Variants in BRAF observed in about 807,000 individuals in gnomAD.
BRAF encodes the protein B-Raf proto-oncogene, serine/threonine kinase.
In BRAF, 16 loss-of-function variants were observed where a neutral mutation model predicts 104.6. The ratio of observed to expected loss-of-function variants is 0.15; its 90% CI spans 0.10 to 0.23. The LOEUF (loss-of-function observed/expected upper bound fraction) is 0.23. Ranked by LOEUF, BRAF falls within the 10% of genes least tolerant of loss-of-function variation. BRAF has a pLI of 1.00. For missense variants in BRAF, 541 were observed against 937.3 expected (o/e 0.58, Z 5.52); for synonymous variants, 310 against 341.6 (o/e 0.91, Z 1.02).
chr7:140,817,398 C>T (rs1804992334), intron 3 of BRAF, among the ~76,000 whole-genome samples: 1 of 152,096 alleles, frequency 6.6e-6, no homozygotes, highest in Non-Finnish European at 1.5e-5. Context: ...TCTACAGATT[C>T]AATGTAATCC....
At chr7:140,870,969 C>T (rs1014532691) in intron 1 of BRAF, among the ~76,000 whole-genome samples, 3 of 151,552 alleles carry the variant, frequency 2.0e-5, no homozygotes, top group Admixed American at 6.6e-5. Context: ...GGCTCACGCC[C>T]GTAATCCCAG....
At chr7:140,911,834 T>C (rs1390873987) in intron 1 of BRAF, among the ~76,000 whole-genome samples, 1 of 152,184 alleles carries the variant, frequency 6.6e-6, no homozygotes, top group Non-Finnish European at 1.5e-5. Context: ...AGGTACTTCA[T>C]TAAGGAGTAA....
At chr7:140,812,779 T>C (rs1442697696) in intron 3 of BRAF, among the ~76,000 whole-genome samples, 1 of 152,128 alleles carries the variant, frequency 6.6e-6, no homozygotes, top group Non-Finnish European at 1.5e-5. Flanking sequence ...ACATCTGAAA[T>C]GGGGTAAAGA....
intron 9 of BRAF, among the ~76,000 whole-genome samples, chr7:140,786,984 T>C (rs1801423004): frequency 6.6e-6 from 1 of 152,230 alleles, no homozygotes; most frequent in Admixed American, 6.5e-5. Flanking sequence ...GAAGAAATTT[T>C]AAAACTGTAG....
At chr7:140,804,361 C>T (rs1378179448) in intron 5 of BRAF, among the ~76,000 whole-genome samples, 3 of 151,174 alleles carry the variant, frequency 2.0e-5, no homozygotes. Context: ...CACACCATCA[C>T]ACCTGGCTAA....
chr7:140,779,850 T>A (rs1800690124), intron 12 of BRAF: 1 of 152,198 alleles, frequency 6.6e-6, no homozygotes, highest in South Asian at 2.1e-4. Flanking sequence ...GAGAACTGCT[T>A]GAATCTGGGA....
chr7:140,854,532 A>G (rs2062969508), intron 1 of BRAF, among the ~76,000 whole-genome samples: 2 of 152,180 alleles, frequency 1.3e-5, no homozygotes, highest in South Asian at 4.2e-4. Flanking sequence ...ATATGCAGTT[A>G]GCATAAAGAA....
intron 1 of BRAF, among the ~76,000 whole-genome samples, chr7:140,908,213 A>T (rs1431057453): frequency 6.6e-6 from 1 of 152,038 alleles, no homozygotes; most frequent in African/African-American, 2.4e-5. Context: ...CTTGGTTATT[A>T]TTTTTCCTCT....
intron 9 of BRAF, 48 bp downstream of exon 9, chr7:140,787,500 A>T: frequency 2.6e-6 from 4 of 1,537,574 alleles, no homozygotes; most frequent in Non-Finnish European, 3.6e-6. Flanking sequence ...GCAGCAAAGC[A>T]ATTGCAGTTT....
chr7:140,901,147 A>G (rs1468909377), intron 1 of BRAF, among the ~76,000 whole-genome samples: 8 of 152,372 alleles, frequency 5.3e-5, no homozygotes, highest in African/African-American at 1.9e-4. Flanking sequence ...GTTAAAAGAA[A>G]TTAATAGAAA....
At chr7:140,841,478 A>G (rs961769028) in intron 2 of BRAF, among the ~76,000 whole-genome samples, 1 of 152,246 alleles carries the variant, frequency 6.6e-6, no homozygotes, top group African/African-American at 2.4e-5. Context: ...GCAAAAACAT[A>G]TAAGTAGCCC....
At chr7:140,913,145 C>T (rs1817190475) in intron 1 of BRAF, among the ~76,000 whole-genome samples, 1 of 152,120 alleles carries the variant, frequency 6.6e-6, no homozygotes, top group Admixed American at 6.5e-5. Context: ...TACCCCCATC[C>T]CAGCCCTAAA....
intron 1 of BRAF, among the ~76,000 whole-genome samples, chr7:140,881,096 G>T (rs1327705996): frequency 6.6e-6 from 1 of 152,184 alleles, no homozygotes; most frequent in East Asian, 1.9e-4. Context: ...CTTCTGAGCA[G>T]GGGGTCTCAA....
downstream of BRAF, among the ~76,000 whole-genome samples, chr7:140,717,257 C>T (rs923707130): frequency 6.6e-6 from 1 of 152,116 alleles, no homozygotes; most frequent in Non-Finnish European, 1.5e-5. Flanking sequence ...GCATATTCAG[C>T]AACTGATAGG....
chr7:140,826,575 AC>A (rs950516635), intron 3 of BRAF, among the ~76,000 whole-genome samples: 3 of 152,276 alleles, frequency 2.0e-5, no homozygotes, highest in Non-Finnish European at 4.4e-5. Flanking sequence ...GCACAGGAGA[AC>A]CCTCTAAAGC....
chr7:140,890,582 A>G (rs1177145365), intron 1 of BRAF, among the ~76,000 whole-genome samples: 1 of 152,180 alleles, frequency 6.6e-6, no homozygotes, highest in Non-Finnish European at 1.5e-5. Context: ...GACTTCCCAA[A>G]ATGCTACATA....
rs2968546 is a variant in BRAF at position 140,720,709 on chromosome 7, T to C, written c.*5785A>G. 0.065 allele frequency: 69,221 copies of C among 1,065,872 alleles called. 2,369 individuals are homozygous for C. Among genetic ancestry groups the C allele is most frequent in the Middle Eastern group, 0.078 (187 of 2,404 alleles). The allele number at this position is 1,065,872 out of a possible 1,614,324, so 66.0% of individuals were successfully genotyped here. On this transcript the variant is annotated 3_prime_UTR_variant, in exon 20 of 20. Transcript: ENST00000644969. ...CTGTTCTCTACATCTGTGCCTACTC[T>C]GTGAGCTTTGTTGTTTATGCTAGTT...
chr7:140,721,616 TCAC>T lies in BRAF; in HGVS notation c.*4875_*4877del. On this transcript the variant is annotated 3_prime_UTR_variant, in exon 20 of 20. Coordinates refer to ENST00000644969, the MANE Select transcript of BRAF (RefSeq NM_001374258.1). ...TCTCCTCTGGCCAAGCTACAAATCA[TCAC>T]CTGAGGCAGAGATGCTACTACCCTC... is the stretch of plus-strand genomic sequence containing the variant. 1.3e-6 allele frequency: 2 copies of T among 1,535,532 alleles called. No homozygotes were observed. The highest frequency in any genetic ancestry group is 1.7e-6 in the Non-Finnish European group (2 of 1,146,566).
chr7:140,868,024 A>G (rs1811168962), intron 1 of BRAF, among the ~76,000 whole-genome samples: 1 of 152,212 alleles, frequency 6.6e-6, no homozygotes, highest in African/African-American at 2.4e-5. Context: ...CTATGAGAAC[A>G]TGCCTGGACT....
Sources: gnomAD v4.1 joint callset for allele counts (sites outside exome capture counted in the v4.1 genomes callset) on GRCh38, gnomAD v4.1.1 for gene constraint, MANE v1.5 for transcripts, NCBI Gene and HGNC (gene_info 2026-07-23, HGNC 2026-07-21) for gene names.